Variants in GLI2 observed in about 807,000 individuals in gnomAD.
GLI2 encodes transcription activator GLI2.
A neutral mutation model predicts 78.9 loss-of-function variants in GLI2; 22 were observed. The ratio of observed to expected loss-of-function variants is 0.28; its 90% confidence interval spans 0.20 to 0.40. The LOEUF (loss-of-function observed/expected upper bound fraction) is 0.40. Ranked by LOEUF, GLI2 falls within the 10% of genes least tolerant of loss-of-function variation. The pLI, the probability that GLI2 is intolerant of heterozygous loss-of-function variation, is 1.00. For synonymous variants in GLI2, 974 were observed against 963.7 expected, an observed-to-expected ratio of 1.01 and a Z score of -0.20; for missense variants, 2,097 against 2,213.2, an observed-to-expected ratio of 0.95 and a Z score of 1.05.
intron 2 of GLI2, among the ~76,000 whole-genome samples, chr2:120,857,415 G>GCCCA (rs1328937025): frequency 3.4e-5 from 1 of 29,730 alleles, no homozygotes; most frequent in Non-Finnish European, 6.7e-5. Context: ...CTACCCATCT[G>GCCCA]CCCACCCACC....
chr2:120,926,388 A>G (rs1055700381), intron 2 of GLI2, among the ~76,000 whole-genome samples: 2 of 152,174 alleles, frequency 1.3e-5, no homozygotes, highest in East Asian at 3.9e-4. Flanking sequence ...TGCATTTCTT[A>G]GCCTAGCAGT....
intron 2 of GLI2, among the ~76,000 whole-genome samples, chr2:120,919,061 T>G (rs535334466): frequency 7.7e-4 from 118 of 152,356 alleles, no homozygotes; most frequent in African/African-American, 2.8e-3. Context: ...CACTAGCGCC[T>G]TCTTTTGCCA....
At chr2:120,776,753 C>T (rs1054718364) in intron 1 of GLI2, among the ~76,000 whole-genome samples, 1 of 152,208 alleles carries the variant, frequency 6.6e-6, no homozygotes, top group African/African-American at 2.4e-5. Context: ...TGGGGCTGAG[C>T]CGGGGCAGAG....
At chr2:120,781,502 C>T (rs1344652116) in intron 1 of GLI2, among the ~76,000 whole-genome samples, 3 of 152,196 alleles carry the variant, frequency 2.0e-5, no homozygotes, top group Non-Finnish European at 4.4e-5. Flanking sequence ...AGGAGTCAGG[C>T]TCGATTTATA....
chr2:120,876,004 G>A (rs1006628489), intron 2 of GLI2, among the ~76,000 whole-genome samples: 1 of 152,172 alleles, frequency 6.6e-6, no homozygotes, highest in African/African-American at 2.4e-5. Flanking sequence ...GAGACAATTG[G>A]TTATGGAGGG....
At chr2:120,844,272 G>C (rs72971964) in intron 2 of GLI2, among the ~76,000 whole-genome samples, 2 of 152,316 alleles carry the variant, frequency 1.3e-5, no homozygotes, top group African/African-American at 4.8e-5. Context: ...GTGCATGATC[G>C]AGCAGGGCTG....
At chr2:120,986,871 C>A (rs1157008971) in intron 13 of GLI2, among the ~76,000 whole-genome samples, 1 of 152,252 alleles carries the variant, frequency 6.6e-6, no homozygotes, top group Non-Finnish European at 1.5e-5. Flanking sequence ...AACAAGCAGA[C>A]CCTGCGCACA....
At chr2:120,974,336 G>T (rs1682341551) in intron 8 of GLI2, among the ~76,000 whole-genome samples, 2 of 152,206 alleles carry the variant, frequency 1.3e-5, no homozygotes, top group African/African-American at 2.4e-5. Context: ...TGAGGGTAGG[G>T]ATGGTCTTGT....
At chr2:120,949,259 C>A (rs1265384103) in intron 3 of GLI2, among the ~76,000 whole-genome samples, 1 of 152,238 alleles carries the variant, frequency 6.6e-6, no homozygotes, top group African/African-American at 2.4e-5. Context: ...TGCAGAGGCA[C>A]CCACCTCTAC....
At chr2:120,820,045 T>C (rs928929944) in intron 2 of GLI2, among the ~76,000 whole-genome samples, 1 of 152,006 alleles carries the variant, frequency 6.6e-6, no homozygotes, top group African/African-American at 2.4e-5. Flanking sequence ...CTGGGGAAGG[T>C]TGGCTGCTTT....
chr2:120,849,161 A>G (rs1006012733), intron 2 of GLI2, among the ~76,000 whole-genome samples: 1 of 152,176 alleles, frequency 6.6e-6, no homozygotes, highest in African/African-American at 2.4e-5. Context: ...GTAGAATCGC[A>G]GCTGTCAGCG....
intron 2 of GLI2, among the ~76,000 whole-genome samples, chr2:120,818,922 C>G (rs181931082): frequency 6.6e-6 from 1 of 152,206 alleles, no homozygotes; most frequent in East Asian, 1.9e-4. Flanking sequence ...GCAGCCGCAG[C>G]CCCCCGCCCT....
chr2:120,786,746 T>G lies in GLI2; in HGVS notation c.-30-10545T>G, dbSNP rs1684008395. 2.0e-5 allele frequency among the ~76,000 whole-genome samples: 3 copies of G among 152,306 alleles called. No homozygotes were observed. In the East Asian group the frequency reaches 5.8e-4, roughly 29 times the overall value. On this transcript the variant is annotated intron_variant, in intron 1 of 13. Transcript: ENST00000361492. ...GGCAGACAGTACAAGTTGACTAGTG[T>G]GCCTCCTGCAGCAGACATTAGAAGT...
intron 2 of GLI2, among the ~76,000 whole-genome samples, chr2:120,825,460 C>G (rs571912540): frequency 7.2e-6 from 1 of 139,180 alleles, no homozygotes; most frequent in African/African-American, 3.4e-5. Context: ...GAGTGTGCTC[C>G]TGGCTGTGAG....
At chr2:120,926,340 C>A (rs1002222698) in intron 2 of GLI2, among the ~76,000 whole-genome samples, 2 of 152,080 alleles carry the variant, frequency 1.3e-5, no homozygotes, top group African/African-American at 2.4e-5. Context: ...AGCAACCTGG[C>A]CAACATGATG....
chr2:120,776,184 C>T (rs527994933), intron 1 of GLI2, among the ~76,000 whole-genome samples: 2 of 152,250 alleles, frequency 1.3e-5, no homozygotes, highest in Non-Finnish European at 2.9e-5. Context: ...GGGCACTGGG[C>T]CTTGACACAT....
intron 2 of GLI2, among the ~76,000 whole-genome samples, chr2:120,902,154 A>C: frequency 6.6e-6 from 1 of 151,790 alleles, no homozygotes; most frequent in Non-Finnish European, 1.5e-5. Flanking sequence ...ACACCATGGA[A>C]ATTGGCACAT....
chr2:120,811,667 G>A (rs963604643), intron 2 of GLI2, among the ~76,000 whole-genome samples: 3 of 152,132 alleles, frequency 2.0e-5, no homozygotes, highest in African/African-American at 7.2e-5. Context: ...AGCCTGGGAT[G>A]CCCTGAGAGG....
chr2:120,844,578 G>A (rs1042709488), intron 2 of GLI2, among the ~76,000 whole-genome samples: 4 of 152,148 alleles, frequency 2.6e-5, no homozygotes, highest in African/African-American at 4.8e-5. Context: ...AAAATGGGAA[G>A]GTTGGACTAT....
Sources: gnomAD v4.1 joint callset for allele counts (sites outside exome capture counted in the v4.1 genomes callset) on GRCh38, gnomAD v4.1.1 for gene constraint, MANE v1.5 for transcripts, NCBI Gene and HGNC (gene_info 2026-07-23, HGNC 2026-07-21) for gene names.